MYOM2: variants seen among roughly 807,000 people sequenced by gnomAD.
The protein encoded by MYOM2 is myomesin-2.
A neutral mutation model predicts 187.6 loss-of-function variants in MYOM2; 254 were observed. The observed-to-expected ratio is 1.35, with a 90% CI of 1.22 to 1.50. MYOM2 has a LOEUF of 1.50. Ranked by LOEUF, MYOM2 falls within the 40% of genes most tolerant of loss-of-function variation. MYOM2 has a pLI of 0.00. For synonymous variants in MYOM2, 981 were observed against 753.8 expected (o/e 1.30, Z -4.94); for missense variants, 2,796 against 1,924.0 (o/e 1.45, Z -8.48).
chr8:2,135,454 G>A (rs987904261), intron 32 of MYOM2, among the ~76,000 whole-genome samples: 5 of 152,124 alleles, frequency 3.3e-5, no homozygotes, highest in African/African-American at 1.2e-4. Context: ...AGGCAGTGTG[G>A]TTGTAAGAGT....
intron 33 of MYOM2, 122 bp from the exon 34 acceptor site, chr8:2,141,015 AAAAT>A (rs1317860309): frequency 3.7e-6 from 5 of 1,334,638 alleles, no homozygotes; most frequent in Non-Finnish European, 5.0e-6. Flanking sequence ...AGAAAATGAA[AAAAT>A]AAATTTATTC....
At chr8:2,138,238 C>G (rs564756670) in intron 32 of MYOM2, among the ~76,000 whole-genome samples, 2 of 152,352 alleles carry the variant, frequency 1.3e-5, no homozygotes, top group African/African-American at 4.8e-5. Context: ...AGCTTGCAAA[C>G]ATGGCACTCT....
At chr8:2,059,096 GCA>G in intron 5 of MYOM2, 55 bp from the exon 6 acceptor site, 1 of 1,474,248 alleles carries the variant, frequency 6.8e-7, no homozygotes, top group Non-Finnish European at 9.5e-7. Context: ...GGGCAGAATT[GCA>G]CACACACAAA....
intron 14 of MYOM2, among the ~76,000 whole-genome samples, chr8:2,088,278 G>C (rs1796165171): frequency 6.6e-6 from 1 of 152,132 alleles, no homozygotes; most frequent in Non-Finnish European, 1.5e-5. Context: ...ACATTTTTAA[G>C]AAAATATAAT....
At chr8:2,131,290 C>T (rs1363419684) in intron 32 of MYOM2, among the ~76,000 whole-genome samples, 3 of 152,136 alleles carry the variant, frequency 2.0e-5, no homozygotes, top group East Asian at 1.9e-4. Context: ...TTTATACCCA[C>T]ATTTTATAGA....
At chr8:2,104,114 T>A (rs59436846) in intron 21 of MYOM2, among the ~76,000 whole-genome samples, 47,308 of 151,566 alleles carry the variant, frequency 0.31, 7,504 homozygotes, top group Middle Eastern at 0.37. Flanking sequence ...GGGCATTTTT[T>A]AAATATTACT....
At chr8:2,135,629 T>G (rs562114146) in intron 32 of MYOM2, among the ~76,000 whole-genome samples, 1 of 152,208 alleles carries the variant, frequency 6.6e-6, no homozygotes, top group Non-Finnish European at 1.5e-5. Flanking sequence ...CTCCACTGTC[T>G]TATATTAATG....
At chr8:2,064,014 C>T (rs371606090) in intron 6 of MYOM2, among the ~76,000 whole-genome samples, 2 of 152,338 alleles carry the variant, frequency 1.3e-5, no homozygotes, top group South Asian at 2.1e-4. Flanking sequence ...CTGTGTGGGG[C>T]CTCGGGAAGG....
At chr8:2,134,044 AGTGTATTGTGTACCC>A (rs1797970268) in intron 32 of MYOM2, among the ~76,000 whole-genome samples, 1 of 151,214 alleles carries the variant, frequency 6.6e-6, no homozygotes, top group African/African-American at 2.4e-5. Context: ...CCCTGAGGTT[AGTGTATTGTGTACCC>A]ACCTTATAAC....
intron 32 of MYOM2, among the ~76,000 whole-genome samples, chr8:2,132,150 T>C (rs967507109): frequency 1.3e-5 from 2 of 152,232 alleles, no homozygotes; most frequent in Non-Finnish European, 2.9e-5. Context: ...CAATATACTT[T>C]AGCCATTTGA....
intron 31 of MYOM2, among the ~76,000 whole-genome samples, chr8:2,128,546 A>G (rs1025840806): frequency 6.6e-6 from 1 of 152,192 alleles, no homozygotes; most frequent in African/African-American, 2.4e-5. Context: ...TCTGACCCAT[A>G]GATCATCTAC....
At chr8:2,092,846 G>A (rs754717279) in intron 16 of MYOM2, among the ~76,000 whole-genome samples, 10 of 152,104 alleles carry the variant, frequency 6.6e-5, no homozygotes, top group South Asian at 4.1e-4. Context: ...TGTGAAAGTC[G>A]TTTTATTTTT....
Position 2,072,496 on chromosome 8 carries a change from G to C in MYOM2, c.945G>C (p.Glu315Asp). ...TGAAGCGGGTGCAGCCGCGCGCCGA[G>C]TGGTACCGCGATGGTGAGTAGGACA... Reference protein sequence around the residue: ...PDLKRVQPRAEWYRDDVLLKE... With the variant: ...PDLKRVQPRADWYRDDVLLKE... Residue 315 changes from glutamate to aspartate, a missense_variant, in exon 9 of 37, where the codon GAG becomes GAC. Glu to Asp is a conservative substitution (Grantham distance 45, BLOSUM62 2). Coordinates refer to ENST00000262113, the MANE Select transcript of MYOM2 (RefSeq NM_003970.4). The C allele has an allele frequency of 6.2e-7, 1 of 1,613,362 alleles. No homozygotes were observed. The highest frequency in any genetic ancestry group is 8.5e-7 in the Non-Finnish European group (1 of 1,180,022).
In MYOM2 at chr8:2,116,374, C is replaced by G. The variant is rs1563066459; in HGVS notation, c.3385+99C>G. On this transcript the variant is annotated intron_variant, in intron 27 of 36. Transcript: ENST00000262113. Reference sequence around the variant, plus strand: ...CAGATCTTGCATGATCCCAAGCAACCCTAAAGGCTGTTTTAAATGATTAAG... The same window carrying G: ...CAGATCTTGCATGATCCCAAGCAACGCTAAAGGCTGTTTTAAATGATTAAG... 6.8e-6 allele frequency: 8 copies of G among 1,169,932 alleles called. No individual in the cohort carries two copies. The South Asian group carries it at 1.3e-4, about 18-fold the overall frequency. The allele number at this position is 1,169,932 out of a possible 1,614,324, so 72.5% of individuals were successfully genotyped here. A position where few individuals can be genotyped will look rare whatever the true frequency, so the allele number is the denominator to read the frequency against.
At chr8:2,104,249 G>C (rs1241422232) in intron 21 of MYOM2, among the ~76,000 whole-genome samples, 1 of 152,148 alleles carries the variant, frequency 6.6e-6, no homozygotes, top group Admixed American at 6.5e-5. Context: ...ACACTCATAG[G>C]ATACACAGTC....
Position 2,108,433 on chromosome 8 carries a change from A to G in MYOM2, c.2999-353A>G, listed in dbSNP as rs1040818098. 2.0e-5 allele frequency among the ~76,000 whole-genome samples: 3 copies of G among 152,182 alleles called. No homozygotes were observed. In the South Asian group the frequency reaches 6.2e-4, roughly 32 times the overall value. On this transcript the variant is annotated intron_variant, in intron 23 of 36. Transcript: ENST00000262113. ...AGCACGTTCTCAGCCAGTGCAATCA[A>G]TTTTAGGAAAGAGCTCACATTAAGT... is the stretch of plus-strand genomic sequence containing the variant.
At chr8:2,113,349 G>A (rs1797130287) in intron 25 of MYOM2, among the ~76,000 whole-genome samples, 1 of 152,218 alleles carries the variant, frequency 6.6e-6, no homozygotes, top group Non-Finnish European at 1.5e-5. Flanking sequence ...TCCACTAGCA[G>A]CCATAACACC....
chr8:2,127,457 C>G (rs1418282299), intron 31 of MYOM2, among the ~76,000 whole-genome samples: 1 of 152,244 alleles, frequency 6.6e-6, no homozygotes, highest in African/African-American at 2.4e-5. Context: ...TCCAGAAGCT[C>G]TGGGGATGGG....
chr8:2,111,538 C>T (rs769070290), intron 25 of MYOM2, among the ~76,000 whole-genome samples: 58 of 152,284 alleles, frequency 3.8e-4, no homozygotes, highest in African/African-American at 1.0e-3. Context: ...TAATGTCATA[C>T]AAATAAGGAC....
Sources: gnomAD v4.1 joint callset for allele counts (sites outside exome capture counted in the v4.1 genomes callset) on GRCh38, gnomAD v4.1.1 for gene constraint, MANE v1.5 for transcripts, NCBI Gene and HGNC (gene_info 2026-07-23, HGNC 2026-07-21) for gene names.